Variants in CNTN1 observed in about 807,000 individuals in gnomAD.
CNTN1 encodes the protein contactin-1.
In CNTN1, 38 loss-of-function variants were observed where a neutral mutation model predicts 126.4. That is an observed-to-expected ratio of 0.30 (90% CI 0.23 to 0.39). The LOEUF (loss-of-function observed/expected upper bound fraction) is 0.39. Ranked by LOEUF, CNTN1 falls within the 10% of genes least tolerant of loss-of-function variation. The probability of loss-of-function intolerance (pLI) is 1.00; values close to 1 mark genes in which losing one functional copy is unlikely to be tolerated. For synonymous variants in CNTN1, 413 were observed against 422.6 expected (o/e 0.98, Z 0.28); for missense variants, 1,009 against 1,248.4 (o/e 0.81, Z 2.89).
intron 1 of CNTN1, among the ~76,000 whole-genome samples, chr12:40,853,719 G>A (rs1646475559): frequency 6.6e-6 from 1 of 151,670 alleles, no homozygotes; most frequent in African/African-American, 2.4e-5. Flanking sequence ...AATAAAATAG[G>A]TAATTACAAT....
chr12:41,061,122 C>G (rs556337454), intron 23 of CNTN1, among the ~76,000 whole-genome samples: 3 of 152,284 alleles, frequency 2.0e-5, no homozygotes, highest in African/African-American at 7.2e-5. Context: ...TAAATGTCAC[C>G]TTGCATTTCT....
At chr12:40,982,059 T>C (rs1947834603) in intron 16 of CNTN1, among the ~76,000 whole-genome samples, 1 of 152,166 alleles carries the variant, frequency 6.6e-6, no homozygotes, top group African/African-American at 2.4e-5. Flanking sequence ...TATTTTAATT[T>C]AAATTTACTT....
Position 40,943,791 on chromosome 12 carries a change from T to C in CNTN1, c.1507+67T>C, listed in dbSNP as rs1179406982. The C allele has an allele frequency of 2.6e-6, 4 of 1,555,758 alleles. No homozygotes were observed. The East Asian group carries it at 6.8e-5, about 26-fold the overall frequency. ...AAAACATGATTCAGCACTAAGCATCTAAACAGTCAATGTATTTGTAAGTTT... is the reference window on the plus strand; with the variant it reads ...AAAACATGATTCAGCACTAAGCATCCAAACAGTCAATGTATTTGTAAGTTT... On this transcript the variant is annotated intron_variant, in intron 13 of 23. Coordinates refer to ENST00000551295, the MANE Select transcript of CNTN1 (RefSeq NM_001843.4).
chr12:40,924,277 C>A (rs1175370176), intron 5 of CNTN1, among the ~76,000 whole-genome samples: 1 of 152,048 alleles, frequency 6.6e-6, no homozygotes, highest in Non-Finnish European at 1.5e-5. Context: ...AAGTCTGAAA[C>A]AAAAGTCTTC....
In CNTN1 at chr12:40,760,287, A is replaced by G. The variant is rs574140132; in HGVS notation, c.-77+67695A>G. ...ATTTTTAATTACTTCTTACATCTGT[A>G]CATCCTTCTTCCATGTGAAGCATCC... is the stretch of plus-strand genomic sequence containing the variant. On this transcript the variant is annotated intron_variant, in intron 1 of 23. Coordinates refer to ENST00000551295, the MANE Select transcript of CNTN1 (RefSeq NM_001843.4). Among the ~76,000 whole-genome samples the G allele has an allele frequency of 3.9e-5, 6 of 152,316 alleles. No individual in the cohort carries two copies. In the East Asian group the frequency reaches 7.7e-4, roughly 20 times the overall value.
At chr12:41,067,181 A>G (rs1284316647) in intron 23 of CNTN1, among the ~76,000 whole-genome samples, 1 of 152,222 alleles carries the variant, frequency 6.6e-6, no homozygotes, top group East Asian at 1.9e-4. Context: ...TGAAGACCAA[A>G]ATTACATAAG....
intron 1 of CNTN1, among the ~76,000 whole-genome samples, chr12:40,868,344 T>G (rs759421530): frequency 2.2e-4 from 33 of 152,140 alleles, no homozygotes; most frequent in Non-Finnish European, 4.1e-4. Flanking sequence ...AAAGCAAAGC[T>G]TCTAATCCAG....
intron 23 of CNTN1, among the ~76,000 whole-genome samples, chr12:41,068,442 T>G (rs1402331215): frequency 6.6e-6 from 1 of 152,092 alleles, no homozygotes; most frequent in East Asian, 1.9e-4. Flanking sequence ...CTTTTGACCC[T>G]CACTTTCCTG....
chr12:40,937,424 TGAAAATCCCA>T, intron 10 of CNTN1, 136 bp from the exon 11 acceptor site: 1 of 671,908 alleles, frequency 1.5e-6, no homozygotes, highest in East Asian at 2.8e-5. Context: ...TCCCATGCCA[TGAAAATCCCA>T]CTCAGTTCAT....
chr12:41,037,301 A>G (rs1949287720), intron 23 of CNTN1, among the ~76,000 whole-genome samples: 1 of 152,216 alleles, frequency 6.6e-6, no homozygotes, highest in Admixed American at 6.5e-5. Flanking sequence ...CAAAGTTTCC[A>G]TCAATGATGT....
At chr12:40,725,131 G>C (rs1245606299) in intron 1 of CNTN1, among the ~76,000 whole-genome samples, 1 of 152,260 alleles carries the variant, frequency 6.6e-6, no homozygotes, top group East Asian at 1.9e-4. Flanking sequence ...GCCAGGTGTG[G>C]TGGCTCATGC....
intron 1 of CNTN1, among the ~76,000 whole-genome samples, chr12:40,848,947 G>A (rs1942618698): frequency 6.6e-6 from 1 of 151,166 alleles, no homozygotes; most frequent in Admixed American, 6.6e-5. Context: ...AGAATATAAT[G>A]TAATCATATT....
chr12:40,877,669 C>A (rs1244167146), intron 1 of CNTN1, among the ~76,000 whole-genome samples: 1 of 152,142 alleles, frequency 6.6e-6, no homozygotes, highest in East Asian at 1.9e-4. Context: ...TTTATATAAC[C>A]CATGTCTAAA....
intron 1 of CNTN1, among the ~76,000 whole-genome samples, chr12:40,899,403 A>T (rs1944527715): frequency 6.6e-6 from 1 of 152,194 alleles, no homozygotes. Context: ...TATTAGTCAA[A>T]GCAATACATC....
At chr12:41,012,635 A>G (rs1412155450) in intron 17 of CNTN1, among the ~76,000 whole-genome samples, 1 of 152,174 alleles carries the variant, frequency 6.6e-6, no homozygotes, top group Non-Finnish European at 1.5e-5. Flanking sequence ...AACATGGCCA[A>G]TATGCCAAGC....
intron 6 of CNTN1, among the ~76,000 whole-genome samples, chr12:40,925,925 A>C (rs1010286164): frequency 1.3e-5 from 2 of 149,230 alleles, no homozygotes; most frequent in Non-Finnish European, 3.0e-5. Context: ...CAAAGTAATG[A>C]CCAAAACTAT....
intron 1 of CNTN1, among the ~76,000 whole-genome samples, chr12:40,868,276 A>G (rs1218919983): frequency 6.6e-6 from 1 of 152,152 alleles, no homozygotes; most frequent in East Asian, 1.9e-4. Flanking sequence ...TTTTCTCTAT[A>G]CAAAGATCAT....
At chr12:40,913,236 A>G (rs980197323) in intron 3 of CNTN1, among the ~76,000 whole-genome samples, 1 of 152,200 alleles carries the variant, frequency 6.6e-6, no homozygotes, top group African/African-American at 2.4e-5. Context: ...ATTACCCATG[A>G]CCCTAAAAAA....
intron 1 of CNTN1, among the ~76,000 whole-genome samples, chr12:40,701,813 C>T (rs1941602292): frequency 6.6e-6 from 1 of 152,174 alleles, no homozygotes; most frequent in African/African-American, 2.4e-5. Context: ...AAGTAAAACA[C>T]TGTATTATTA....
Sources: allele counts gnomAD v4.1 joint callset (sites outside exome capture counted in the v4.1 genomes callset), GRCh38; gene constraint gnomAD v4.1.1; transcripts MANE v1.5; gene names NCBI Gene and HGNC (gene_info 2026-07-23, HGNC 2026-07-21).